EDARADD: variants seen among roughly 807,000 people sequenced by gnomAD.
EDARADD encodes EDAR associated via death domain.
Under a neutral mutation model 25.6 loss-of-function variants are expected in EDARADD, and 20 were observed. That is an observed-to-expected ratio of 0.78 (90% confidence interval 0.55 to 1.14). EDARADD has a LOEUF of 1.14. Among genes scored for constraint, EDARADD ranks in the 50% most tolerant of loss-of-function variants. The pLI is 0.00. For synonymous variants in EDARADD, 86 were observed against 94.4 expected (o/e 0.91, Z 0.52); for missense variants, 225 against 270.1 (o/e 0.83, Z 1.17).
At position 236,477,386 on chromosome 1, in the gene EDARADD, G is replaced by C. The variant is rs59381017; in HGVS notation, c.266-4881G>C. Among the ~76,000 whole-genome samples the C allele has an allele frequency of 1.5e-3, 231 of 151,468 alleles. 1 individual carries two copies. Among genetic ancestry groups the C allele is most frequent in the African/African-American group, 5.5e-3 (227 of 41,282 alleles). On this transcript the variant is annotated intron_variant, in intron 5 of 5. Transcript: ENST00000334232. ...AAAAATTACCTGGGCGTGGTGGCAGGCGCCTGTAGTCCCAGCTACTCGGGA... is the reference window on the plus strand; with the variant it reads ...AAAAATTACCTGGGCGTGGTGGCAGCCGCCTGTAGTCCCAGCTACTCGGGA...
In EDARADD at chr1:236,395,769, C is replaced by A. The variant is rs1472936818; in HGVS notation, c.61+1264C>A. The A allele has an allele frequency of 4.0e-6, 5 of 1,265,148 alleles. No individual in the cohort carries two copies. The African/African-American group carries it at 6.4e-5, about 16-fold the overall frequency. 78.4% of individuals were successfully genotyped at this position (1,265,148 alleles called of 1,614,324 possible). A position where few individuals can be genotyped will look rare whatever the true frequency, so the allele number is the denominator to read the frequency against. On this transcript the variant is annotated intron_variant, in intron 1 of 5. Transcript: ENST00000334232. The surrounding 1 kb of genome is among the most constrained non-coding windows in gnomAD (Gnocchi z 6.9). ...CTATCGAGGCCGGGCCTCGGCGACC[C>A]CCGAGGGAGGCCCGGGAACCACCCC... is the stretch of plus-strand genomic sequence containing the variant.
Position 236,476,193 on chromosome 1 carries a change from CAAATAAATAAAT to C in EDARADD, c.266-6046_266-6035del, listed in dbSNP as rs148065571. Among the ~76,000 whole-genome samples the C allele has an allele frequency of 5.8e-3, 849 of 146,134 alleles. 11 individuals carry two copies. Among genetic ancestry groups the C allele is most frequent in the African/African-American group, 0.02 (787 of 39,736 alleles). ...AGCTGACAACAGCGAGACTCCATCT[CAAATAAATAAAT>C]AAATAAATAAATAAATAAATAAATA... On this transcript the variant is annotated intron_variant, in intron 5 of 5. Coordinates refer to ENST00000334232, the MANE Select transcript of EDARADD (RefSeq NM_145861.4).
chr1:236,366,577 GA>G (rs58267428), intron 3 of EDARADD, among the ~76,000 whole-genome samples: 16,272 of 152,112 alleles, frequency 0.11, 1,326 homozygotes, highest in African/African-American at 0.23. Flanking sequence ...TTTCCTGTCT[GA>G]TGTTCTGACC....
rs141521336 is a variant in EDARADD, at chr1:236,454,338, G to A, written c.220-13893G>A. On this transcript the variant is annotated intron_variant, in intron 4 of 5. Transcript: ENST00000334232. Reference sequence around the variant, plus strand: ...ACTGGGATTACAGGCGTGAGCCACCGTGCCCGGCCTAGAGTTTGTATCTTC... The same window carrying A: ...ACTGGGATTACAGGCGTGAGCCACCATGCCCGGCCTAGAGTTTGTATCTTC... Among the ~76,000 whole-genome samples, 202 of 152,180 alleles carry A rather than the reference G, an allele frequency of 1.3e-3. 1 individual carries two copies. The Middle Eastern group carries it at 0.024, about 18-fold the overall frequency.
At chr1:236,452,689 T>G (rs1658746659) in intron 4 of EDARADD, among the ~76,000 whole-genome samples, 1 of 152,134 alleles carries the variant, frequency 6.6e-6, no homozygotes, top group African/African-American at 2.4e-5. Context: ...ACTAATACAC[T>G]TCTATAAGCT....
intron 3 of EDARADD, among the ~76,000 whole-genome samples, chr1:236,378,093 C>T (rs2102995279): frequency 6.6e-6 from 1 of 152,220 alleles, no homozygotes; most frequent in South Asian, 2.1e-4. Flanking sequence ...ACAAGTGTTT[C>T]TCAGTCCCAC....
chr1:236,466,610 G>T (rs1021955812), intron 4 of EDARADD, among the ~76,000 whole-genome samples: 1 of 152,170 alleles, frequency 6.6e-6, no homozygotes, highest in Non-Finnish European at 1.5e-5. Flanking sequence ...GAAAAGTCTA[G>T]CTGGTAACAC....
intron 5 of EDARADD, among the ~76,000 whole-genome samples, chr1:236,473,895 A>G (rs780563354): frequency 3.3e-5 from 5 of 152,188 alleles, no homozygotes; most frequent in Non-Finnish European, 7.4e-5. Context: ...CAGCCTCCTG[A>G]GTAGCTGGGA....
At chr1:236,460,566 T>C (rs4659675) in intron 4 of EDARADD, among the ~76,000 whole-genome samples, 21,453 of 152,160 alleles carry the variant, frequency 0.14, 1,558 homozygotes, top group Non-Finnish European at 0.15. Context: ...CGGACTTATA[T>C]TGTAAGAAAA....
chr1:236,441,590 C>G (rs1487046424), intron 4 of EDARADD, among the ~76,000 whole-genome samples: 1 of 150,544 alleles, frequency 6.6e-6, no homozygotes, highest in Non-Finnish European at 1.5e-5. Context: ...ATGGTGCGAT[C>G]TCCGCTCACT....
chr1:236,461,548 C>T (rs1238067812), intron 4 of EDARADD, among the ~76,000 whole-genome samples: 2 of 152,200 alleles, frequency 1.3e-5, no homozygotes, highest in African/African-American at 4.8e-5. Context: ...GTTGGTATAG[C>T]TCTGCAGTAT....
chr1:236,410,355 T>G (rs1041832941), intron 2 of EDARADD, among the ~76,000 whole-genome samples: 4 of 152,190 alleles, frequency 2.6e-5, no homozygotes, highest in Admixed American at 2.6e-4. Context: ...TATTTGATTT[T>G]CTGTTTCTGA....
upstream of EDARADD, among the ~76,000 whole-genome samples, chr1:236,389,760 T>C (rs886866847): frequency 4.7e-4 from 72 of 152,214 alleles, no homozygotes; most frequent in African/African-American, 1.7e-3. Context: ...CCCAGTACTT[T>C]AGAGGCCAAG....
At chr1:236,406,965 GT>G (rs889849274) in intron 1 of EDARADD, among the ~76,000 whole-genome samples, 4 of 152,170 alleles carry the variant, frequency 2.6e-5, no homozygotes, top group African/African-American at 9.7e-5. Context: ...AACACAATTT[GT>G]TTTTCATTTT....
chr1:236,348,909 T>C (rs2102988751), exon 2 of EDARADD: 1 of 152,218 alleles, frequency 6.6e-6, no homozygotes, highest in African/African-American at 2.4e-5. Flanking sequence ...AATATTGCAA[T>C]CCCAAGTGTT....
At position 236,361,376 on chromosome 1, in the gene EDARADD, C is replaced by T. The variant is rs544628479; in HGVS notation, c.-6+10537C>T. Among the ~76,000 whole-genome samples the T allele has an allele frequency of 5.5e-4, 84 of 151,498 alleles. 2 individuals carry two copies. Among genetic ancestry groups the T allele is most frequent in the Admixed American group, 5.3e-3 (80 of 15,210 alleles). On this transcript the variant is annotated intron_variant, in intron 3 of 7. Transcript: ENST00000439430. ...TGTCACCCAGGCTGGAGTGCAGTGGCGCGATCTCGGCTCACTGCAACCTCC... is the reference window on the plus strand; with the variant it reads ...TGTCACCCAGGCTGGAGTGCAGTGGTGCGATCTCGGCTCACTGCAACCTCC...
intron 3 of EDARADD, among the ~76,000 whole-genome samples, chr1:236,425,547 C>A (rs1657893739): frequency 1.3e-5 from 2 of 152,210 alleles, no homozygotes; most frequent in South Asian, 2.1e-4. Context: ...ACAGCTGCCC[C>A]AAGTGGCCAG....
At chr1:236,409,368 T>C in intron 2 of EDARADD, 94 bp downstream of exon 2, 1 of 986,490 alleles carries the variant, frequency 1.0e-6, no homozygotes, top group Non-Finnish European at 1.6e-6. Flanking sequence ...TATTTACATG[T>C]GCATCAGAAA....
At chr1:236,463,813 C>A (rs112911527) in intron 4 of EDARADD, among the ~76,000 whole-genome samples, 8,380 of 152,230 alleles carry the variant, frequency 0.055, 350 homozygotes, top group Non-Finnish European at 0.071. Context: ...TCCAGATTTG[C>A]CCCCGTTTTT....
Sources: allele counts gnomAD v4.1 joint callset (sites outside exome capture counted in the v4.1 genomes callset), GRCh38; gene constraint gnomAD v4.1.1; non-coding constraint Gnocchi (gnomAD v3.1); transcripts MANE v1.5; gene names NCBI Gene and HGNC (gene_info 2026-07-23, HGNC 2026-07-21).